Variants in KCND2 observed in about 807,000 individuals in gnomAD.
KCND2 encodes the protein potassium voltage-gated channel subfamily D member 2.
Under a neutral mutation model 54.4 loss-of-function variants are expected in KCND2, and 16 were observed. The ratio of observed to expected loss-of-function variants is 0.29; its 90% CI spans 0.20 to 0.45. The LOEUF is 0.45. Ranked by LOEUF, KCND2 falls within the 20% of genes least tolerant of loss-of-function variation. The pLI, the probability that KCND2 is intolerant of heterozygous loss-of-function variation, is 1.00. For missense variants in KCND2, 486 were observed against 824.2 expected, an observed-to-expected ratio of 0.59 and a Z score of 5.02; for synonymous variants, 317 against 310.7, an observed-to-expected ratio of 1.02 and a Z score of -0.21.
At chr7:120,310,108 A>T (rs1436209083) in intron 1 of KCND2, among the ~76,000 whole-genome samples, 1 of 152,206 alleles carries the variant, frequency 6.6e-6, no homozygotes, top group Non-Finnish European at 1.5e-5. Context: ...GATAGCACTG[A>T]TGGCACTATC....
At chr7:120,642,717 A>G (rs1793393796) in intron 1 of KCND2, among the ~76,000 whole-genome samples, 1 of 152,144 alleles carries the variant, frequency 6.6e-6, no homozygotes, top group Admixed American at 6.5e-5. Flanking sequence ...GAATATTTAT[A>G]AACTACTTCA....
rs1793050179 is a variant in KCND2, at chr7:120,749,840, A to C, written c.*1982A>C. ...TATGCTTCTAGAGCAATGTCTAGTG[A>C]AACTTATCTGATGGCATTTATTGAA... On this transcript the variant is annotated 3_prime_UTR_variant, in exon 6 of 6. Transcript: ENST00000331113. 3 of 151,990 alleles carry C rather than the reference A, an allele frequency of 2.0e-5. No individual in the cohort carries two copies. In the South Asian group the frequency reaches 6.2e-4, roughly 31 times the overall value. 9.4% of individuals were successfully genotyped at this position (151,990 alleles called of 1,614,324 possible).
chr7:120,663,671 C>T (rs570610694), intron 1 of KCND2, among the ~76,000 whole-genome samples: 4 of 152,234 alleles, frequency 2.6e-5, no homozygotes, highest in Admixed American at 2.6e-4. Flanking sequence ...CAAAAATGTG[C>T]TTACATACAG....
At chr7:120,495,172 G>A (rs187997571) in intron 1 of KCND2, among the ~76,000 whole-genome samples, 1 of 151,936 alleles carries the variant, frequency 6.6e-6, no homozygotes, top group Admixed American at 6.6e-5. Context: ...TAAACATTCT[G>A]TGTTTACATT....
At chr7:120,534,462 TAAAC>T (rs1372565612) in intron 1 of KCND2, among the ~76,000 whole-genome samples, 3 of 152,048 alleles carry the variant, frequency 2.0e-5, no homozygotes, top group East Asian at 1.9e-4. Flanking sequence ...CAAGGCCATC[TAAAC>T]AAACAAACAA....
intron 1 of KCND2, among the ~76,000 whole-genome samples, chr7:120,642,258 A>G (rs902247611): frequency 3.9e-5 from 6 of 152,062 alleles, no homozygotes; most frequent in Non-Finnish European, 7.4e-5. Flanking sequence ...TTTATTACAT[A>G]AAGTTTTATG....
intron 1 of KCND2, among the ~76,000 whole-genome samples, chr7:120,659,500 G>T (rs546751456): frequency 6.6e-6 from 1 of 152,130 alleles, no homozygotes. Flanking sequence ...TTTAAATTCC[G>T]TATATACAAT....
intron 2 of KCND2, among the ~76,000 whole-genome samples, chr7:120,733,708 T>C (rs751650087): frequency 3.9e-5 from 6 of 152,116 alleles, no homozygotes; most frequent in African/African-American, 7.2e-5. Flanking sequence ...AATCTGATCA[T>C]CTGTAGCTGA....
At chr7:120,741,655 T>A (rs770718038) in intron 3 of KCND2, 26 bp downstream of exon 3, 11 of 1,478,318 alleles carry the variant, frequency 7.4e-6, no homozygotes, top group Non-Finnish European at 1.0e-5. Flanking sequence ...TCTCTTTTTT[T>A]AATGTTCAAT....
chr7:120,435,495 T>C (rs1801853097), intron 1 of KCND2, among the ~76,000 whole-genome samples: 1 of 151,968 alleles, frequency 6.6e-6, no homozygotes, highest in Non-Finnish European at 1.5e-5. Context: ...TTTTTAACAT[T>C]TAAAAGTAAC....
intron 1 of KCND2, among the ~76,000 whole-genome samples, chr7:120,471,128 T>C (rs1221559950): frequency 6.6e-6 from 1 of 152,122 alleles, no homozygotes. Context: ...TTAACTATTA[T>C]ATAACATGTA....
chr7:120,347,556 G>A (rs1283621583), intron 1 of KCND2, among the ~76,000 whole-genome samples: 1 of 151,928 alleles, frequency 6.6e-6, no homozygotes, highest in East Asian at 1.9e-4. Flanking sequence ...TTAGGAGTTC[G>A]AGACCAGCCT....
At chr7:120,450,536 G>A (rs1802087148) in intron 1 of KCND2, among the ~76,000 whole-genome samples, 1 of 152,140 alleles carries the variant, frequency 6.6e-6, no homozygotes, top group Non-Finnish European at 1.5e-5. Context: ...CACAGACAAT[G>A]GAGAAAAGTC....
intron 1 of KCND2, among the ~76,000 whole-genome samples, chr7:120,412,444 G>A (rs1801464956): frequency 6.6e-6 from 1 of 151,910 alleles, no homozygotes; most frequent in Non-Finnish European, 1.5e-5. Context: ...CAATTAATCT[G>A]TTTCCAATAC....
chr7:120,649,607 GTTGT>G (rs761751070), intron 1 of KCND2, among the ~76,000 whole-genome samples: 1 of 152,078 alleles, frequency 6.6e-6, no homozygotes, highest in Non-Finnish European at 1.5e-5. Context: ...TTTTGATGGG[GTTGT>G]TTGTTTTTTT....
intron 1 of KCND2, among the ~76,000 whole-genome samples, chr7:120,602,270 G>T (rs886742516): frequency 5.3e-5 from 8 of 152,174 alleles, no homozygotes; most frequent in African/African-American, 1.9e-4. Flanking sequence ...GATCATCAGA[G>T]TGTGGCGAAA....
chr7:120,710,312 G>T (rs994324875), intron 1 of KCND2, among the ~76,000 whole-genome samples: 36 of 152,148 alleles, frequency 2.4e-4, no homozygotes, highest in Non-Finnish European at 3.4e-4. Context: ...ATTTATAATT[G>T]CTTTGCCATT....
intron 1 of KCND2, among the ~76,000 whole-genome samples, chr7:120,661,927 G>C (rs1291735984): frequency 6.6e-6 from 1 of 152,108 alleles, no homozygotes; most frequent in Non-Finnish European, 1.5e-5. Flanking sequence ...AGTACACAAA[G>C]GGTTCCATGA....
At chr7:120,311,028 C>T (rs2116314079) in intron 1 of KCND2, among the ~76,000 whole-genome samples, 2 of 151,258 alleles carry the variant, frequency 1.3e-5, no homozygotes, top group East Asian at 3.9e-4. Context: ...TATGTATATA[C>T]ATGTATATGT....
Sources: allele counts gnomAD v4.1 joint callset (sites outside exome capture counted in the v4.1 genomes callset), GRCh38; gene constraint gnomAD v4.1.1; transcripts MANE v1.5; gene names NCBI Gene and HGNC (gene_info 2026-07-23, HGNC 2026-07-21).